The following BRINP1 variants were observed in gnomAD, a reference collection of about 807,000 sequenced individuals.
The protein encoded by BRINP1 is BMP/retinoic acid inducible neural specific 1.
A neutral mutation model predicts 72.9 loss-of-function variants in BRINP1; 17 were observed. The observed-to-expected ratio is 0.23, with a 90% CI of 0.16 to 0.35. The LOEUF (loss-of-function observed/expected upper bound fraction) is 0.35, where lower values mean the gene tolerates loss of function less well. Among genes scored for constraint, BRINP1 ranks in the 10% least tolerant of loss-of-function variants. The pLI is 1.00. For synonymous variants in BRINP1, 418 were observed against 378.5 expected (o/e 1.10, Z -1.21); for missense variants, 850 against 1,001.6 (o/e 0.85, Z 2.04).
At chr9:119,266,207 CA>C (rs1830546507) in intron 2 of BRINP1, among the ~76,000 whole-genome samples, 1 of 152,124 alleles carries the variant, frequency 6.6e-6, no homozygotes, top group Admixed American at 6.5e-5. Context: ...CTTAGAGGCA[CA>C]ATCTGTTCCA....
At chr9:119,179,550 G>A (rs2118836300) in intron 7 of BRINP1, among the ~76,000 whole-genome samples, 1 of 152,238 alleles carries the variant, frequency 6.6e-6, no homozygotes, top group African/African-American at 2.4e-5. Flanking sequence ...CAGAGACTTG[G>A]TTGCTGAGGT....
At chr9:119,346,359 A>G (rs1215756401) in intron 1 of BRINP1, among the ~76,000 whole-genome samples, 1 of 152,182 alleles carries the variant, frequency 6.6e-6, no homozygotes, top group Non-Finnish European at 1.5e-5. Flanking sequence ...AATTTGTAAA[A>G]CCAATTTTTT....
intron 7 of BRINP1, among the ~76,000 whole-genome samples, chr9:119,171,182 C>A (rs1419706047): frequency 6.7e-6 from 1 of 150,006 alleles, no homozygotes; most frequent in African/African-American, 2.5e-5. Context: ...AAGACACAGA[C>A]TGGCAAATTG....
Position 119,365,098 on chromosome 9 carries a change from T to C in BRINP1, c.-51+3958A>G, listed in dbSNP as rs557328524. ...AGATAGACCTATACCCCCAGCGCTA[T>C]AAAGCAGGGCAAACAGAGACACAAA... On this transcript the variant is annotated intron_variant, in intron 1 of 7. Coordinates refer to ENST00000265922, the MANE Select transcript of BRINP1 (RefSeq NM_014618.3). Among the ~76,000 whole-genome samples, 21 of 152,260 alleles carry C rather than the reference T, an allele frequency of 1.4e-4. No individual in the cohort carries two copies. In the South Asian group the frequency reaches 4.4e-3, roughly 32 times the overall value.
Position 119,252,829 on chromosome 9 carries a change from C to A in BRINP1, c.219-3679G>T, listed in dbSNP as rs1285937790. ...GTACAGAAGAATGATGCCACCCCCA[C>A]CACCAAATTACAAGGCATGACTCAA... On this transcript the variant is annotated intron_variant, in intron 2 of 7. Transcript: ENST00000265922. Among the ~76,000 whole-genome samples the A allele has an allele frequency of 4.6e-4, 70 of 152,136 alleles. 2 individuals are homozygous for A. Among genetic ancestry groups the A allele is most frequent in the Admixed American group, 4.6e-3 (70 of 15,264 alleles).
At chr9:119,312,575 C>A (rs981830041) in intron 2 of BRINP1, among the ~76,000 whole-genome samples, 2 of 152,176 alleles carry the variant, frequency 1.3e-5, no homozygotes, top group Non-Finnish European at 2.9e-5. Context: ...AGAATGTCAA[C>A]GGTCCAAGAA....
chr9:119,317,624 C>A (rs1166507359), intron 1 of BRINP1, among the ~76,000 whole-genome samples: 2 of 152,170 alleles, frequency 1.3e-5, no homozygotes, highest in Non-Finnish European at 2.9e-5. Flanking sequence ...GAAAACAGTT[C>A]TACCTTACGT....
rs116423983 is a variant in BRINP1 at position 119,257,217 on chromosome 9, A to G, written c.219-8067T>C. On this transcript the variant is annotated intron_variant, in intron 2 of 7. Transcript: ENST00000265922. ...GATTCCCTCAATGCTACAATAAGACACAAACATTTTCCATGGTTTCTCATA... is the reference window on the plus strand; with the variant it reads ...GATTCCCTCAATGCTACAATAAGACGCAAACATTTTCCATGGTTTCTCATA... Among the ~76,000 whole-genome samples the G allele has an allele frequency of 6.0e-3, 912 of 152,332 alleles. 9 individuals are homozygous for G. Among genetic ancestry groups the G allele is most frequent in the African/African-American group, 0.019 (788 of 41,578 alleles).
At chr9:119,314,157 C>G (rs1387814803) in intron 1 of BRINP1, among the ~76,000 whole-genome samples, 3 of 152,134 alleles carry the variant, frequency 2.0e-5, no homozygotes, top group African/African-American at 7.2e-5. Flanking sequence ...TCAAAGGTTG[C>G]CCAGGGTTCA....
At chr9:119,172,143 T>C (rs2118823243) in intron 7 of BRINP1, among the ~76,000 whole-genome samples, 1 of 150,860 alleles carries the variant, frequency 6.6e-6, no homozygotes, top group South Asian at 2.1e-4. Flanking sequence ...AGAGCAGAAC[T>C]GAAGGAAATA....
At chr9:119,208,353 G>T (rs759727307) in intron 7 of BRINP1, among the ~76,000 whole-genome samples, 1 of 152,192 alleles carries the variant, frequency 6.6e-6, no homozygotes, top group African/African-American at 2.4e-5. Flanking sequence ...TCACCATTAA[G>T]ATGGGGATGC....
At chr9:119,353,592 A>G (rs972852180) in intron 1 of BRINP1, among the ~76,000 whole-genome samples, 5 of 152,132 alleles carry the variant, frequency 3.3e-5, no homozygotes, top group Admixed American at 1.3e-4. Context: ...AGAAATTAAG[A>G]AAACTGTTGC....
intron 5 of BRINP1, among the ~76,000 whole-genome samples, chr9:119,229,820 C>T (rs1588171132): frequency 6.6e-6 from 1 of 152,082 alleles, no homozygotes; most frequent in East Asian, 1.9e-4. Context: ...AAACAGAGTT[C>T]ACTATGGGCT....
intron 7 of BRINP1, among the ~76,000 whole-genome samples, chr9:119,199,456 A>G (rs1045715120): frequency 1.3e-5 from 2 of 152,196 alleles, no homozygotes; most frequent in Non-Finnish European, 2.9e-5. Flanking sequence ...CCAGCATCTG[A>G]GCCTGAAGTT....
intron 1 of BRINP1, among the ~76,000 whole-genome samples, chr9:119,350,981 T>C (rs1038293380): frequency 6.6e-6 from 1 of 151,932 alleles, no homozygotes; most frequent in Non-Finnish European, 1.5e-5. Context: ...ACATATGCCA[T>C]GGTAGTTTGT....
In BRINP1 at chr9:119,364,000, A is replaced by G. The variant is rs575290187; in HGVS notation, c.-51+5056T>C. Among the ~76,000 whole-genome samples, 7 of 145,756 alleles carry G rather than the reference A, an allele frequency of 4.8e-5. No individual in the cohort carries two copies. In the East Asian group the frequency reaches 1.3e-3, roughly 27 times the overall value. ...TATTTGTTGAATAAATCCTCACTCA[A>G]TTTCAGGTCATCCCTCCCTTTTTTT... On this transcript the variant is annotated intron_variant, in intron 1 of 7. Transcript: ENST00000265922.
intron 1 of BRINP1, among the ~76,000 whole-genome samples, chr9:119,319,429 T>G (rs1831162037): frequency 6.6e-6 from 1 of 151,978 alleles, no homozygotes; most frequent in Non-Finnish European, 1.5e-5. Context: ...TTCTATAGAG[T>G]CCTTGACTTT....
At chr9:119,176,580 A>G (rs754986262) in intron 7 of BRINP1, among the ~76,000 whole-genome samples, 3 of 152,216 alleles carry the variant, frequency 2.0e-5, no homozygotes, top group Non-Finnish European at 2.9e-5. Flanking sequence ...CTCAGTATCA[A>G]TATCTAAAAT....
At chr9:119,186,695 T>C (rs1002339111) in intron 7 of BRINP1, among the ~76,000 whole-genome samples, 3 of 152,192 alleles carry the variant, frequency 2.0e-5, no homozygotes, top group African/African-American at 7.2e-5. Flanking sequence ...AGTGCCCTAC[T>C]GCCCTGGATC....
Sources: gnomAD v4.1 joint callset for allele counts (sites outside exome capture counted in the v4.1 genomes callset) on GRCh38, gnomAD v4.1.1 for gene constraint, MANE v1.5 for transcripts, NCBI Gene and HGNC (gene_info 2026-07-23, HGNC 2026-07-21) for gene names.